The following ACTR3C variants were observed in gnomAD, a reference collection of about 807,000 sequenced individuals.
ACTR3C encodes the protein actin-related protein 3C.
Under a neutral mutation model 26.3 loss-of-function variants are expected in ACTR3C, and 18 were observed. The ratio of observed to expected loss-of-function variants is 0.68; its 90% confidence interval spans 0.47 to 1.01. The LOEUF is 1.01. ACTR3C is among the 50% of genes least tolerant of loss of function. The pLI is 0.00. For synonymous variants in ACTR3C, 55 were observed against 94.5 expected (o/e 0.58, Z 2.42); for missense variants, 184 against 250.7 (o/e 0.73, Z 1.80).
At chr7:149,884,917 G>C in the ACTR3C span, among the ~76,000 whole-genome samples, 1 of 152,190 alleles carries the variant, frequency 6.6e-6, no homozygotes, top group Non-Finnish European at 1.5e-5. Flanking sequence ...TTTTAAACCA[G>C]CTCCCAAGGG....
At chr7:150,069,116 T>C in the ACTR3C span, among the ~76,000 whole-genome samples, 4 of 152,190 alleles carry the variant, frequency 2.6e-5, no homozygotes, top group East Asian at 1.9e-4. Context: ...TGACAGTATG[T>C]TGTATTTCAA....
chr7:150,234,733 G>C, the ACTR3C span, among the ~76,000 whole-genome samples: 2 of 152,132 alleles, frequency 1.3e-5, no homozygotes, highest in African/African-American at 4.8e-5. Context: ...TTCTCATTTG[G>C]ATACACGAAT....
the ACTR3C span, among the ~76,000 whole-genome samples, chr7:150,155,194 C>G: frequency 2.0e-5 from 3 of 152,078 alleles, no homozygotes; most frequent in African/African-American, 7.2e-5. Context: ...AAATGGGGAA[C>G]AGAGATGAAG....
At chr7:150,029,418 C>CAAA in the ACTR3C span, among the ~76,000 whole-genome samples, 195 of 17,384 alleles carry the variant, frequency 0.011, no homozygotes, top group African/African-American at 0.038. Flanking sequence ...AAAAAAAAAA[C>CAAA]AAACAAAAAA....
intron 1 of ACTR3C, among the ~76,000 whole-genome samples, chr7:150,321,246 G>C (rs991788240): frequency 6.6e-6 from 1 of 152,170 alleles, no homozygotes; most frequent in Non-Finnish European, 1.5e-5. Flanking sequence ...TGTTAAGCCT[G>C]ATTTTTTTGC....
the ACTR3C span, among the ~76,000 whole-genome samples, chr7:149,946,046 G>A: frequency 6.6e-6 from 1 of 152,184 alleles, no homozygotes; most frequent in Non-Finnish European, 1.5e-5. Flanking sequence ...TCATGGGGGG[G>A]AAAGCACTTT....
intron 6 of ACTR3C, among the ~76,000 whole-genome samples, chr7:150,250,052 G>C (rs1236406620): frequency 1.3e-5 from 2 of 152,126 alleles, no homozygotes; most frequent in African/African-American, 4.8e-5. Context: ...CCCTGGAGCG[G>C]ATGAGGGGTG....
chr7:150,019,768 G>C, the ACTR3C span, among the ~76,000 whole-genome samples: 2 of 151,870 alleles, frequency 1.3e-5, no homozygotes, highest in Admixed American at 6.6e-5. Context: ...CAGGGGGCTG[G>C]ACACCCTGCA....
chr7:150,059,175 G>A, the ACTR3C span, among the ~76,000 whole-genome samples: 1 of 152,170 alleles, frequency 6.6e-6, no homozygotes, highest in Non-Finnish European at 1.5e-5. Context: ...AGCATCAGAC[G>A]CTCATCTATG....
the ACTR3C span, among the ~76,000 whole-genome samples, chr7:149,983,443 G>GTATATATATATATA: frequency 1.1e-3 from 3 of 2,806 alleles, no homozygotes; most frequent in Non-Finnish European, 0.01. Flanking sequence ...GTGTATGTGT[G>GTATATATATATATA]TGTGTGTATA....
At chr7:150,256,862 G>C (rs975560235) in intron 6 of ACTR3C, among the ~76,000 whole-genome samples, 38 of 151,998 alleles carry the variant, frequency 2.5e-4, no homozygotes, top group African/African-American at 8.2e-4. Context: ...CCCCAAAACA[G>C]CAAAATACAC....
the ACTR3C span, among the ~76,000 whole-genome samples, chr7:149,917,635 C>CTTTTTTTTTTTTTTTTTTTTTTTTTT: frequency 1.1e-5 from 1 of 93,644 alleles, no homozygotes; most frequent in Non-Finnish European, 1.9e-5. Context: ...TGTTTTACAT[C>CTTTTTTTTTTTTTTTTTTTTTTTTTT]TTTTTTTTTT....
At chr7:150,146,329 A>T in the ACTR3C span, among the ~76,000 whole-genome samples, 1 of 152,198 alleles carries the variant, frequency 6.6e-6, no homozygotes, top group Non-Finnish European at 1.5e-5. Flanking sequence ...AGGAACACAG[A>T]TCCACTTCCT....
At chr7:149,947,887 C>T in the ACTR3C span, among the ~76,000 whole-genome samples, 4 of 150,480 alleles carry the variant, frequency 2.7e-5, no homozygotes, top group South Asian at 4.1e-4. Context: ...CGTGCTCTGC[C>T]TCCTGCTTTC....
chr7:150,204,790 G>T, the ACTR3C span, among the ~76,000 whole-genome samples: 12,823 of 150,186 alleles, frequency 0.085, 748 homozygotes, highest in East Asian at 0.24. Flanking sequence ...GCGAGGAACA[G>T]GCCAGGGAGG....
rs577038344 is a variant in ACTR3C, at chr7:150,274,731, C to T, written c.564+10022G>A. ...GGAGACCCACGCAGCTTGGCCCTGACGCCTATACTCTTAACCACGACAAAC... is the reference window on the plus strand; with the variant it reads ...GGAGACCCACGCAGCTTGGCCCTGATGCCTATACTCTTAACCACGACAAAC... On this transcript the variant is annotated intron_variant, in intron 6 of 7. Transcript: ENST00000683684. This position sits in a 1 kb window ranked among gnomAD's most constrained non-coding sequence, Gnocchi z 4.1. Among the ~76,000 whole-genome samples the T allele has an allele frequency of 4.6e-5, 7 of 152,210 alleles. No homozygotes were observed. Among genetic ancestry groups the T allele is most frequent in the East Asian group, 1.9e-4 (1 of 5,202 alleles).
chr7:150,152,930 G>A, the ACTR3C span, among the ~76,000 whole-genome samples: 1 of 152,166 alleles, frequency 6.6e-6, no homozygotes, highest in Non-Finnish European at 1.5e-5. Flanking sequence ...TTGCGTAGAG[G>A]TGTTTGTAGT....
intron 6 of ACTR3C, among the ~76,000 whole-genome samples, chr7:150,281,190 C>T (rs1391222954): frequency 6.6e-6 from 1 of 152,030 alleles, no homozygotes; most frequent in Non-Finnish European, 1.5e-5. Flanking sequence ...CATAGTGAAC[C>T]AAGAGGAAAG....
At chr7:150,032,531 G>A in the ACTR3C span, among the ~76,000 whole-genome samples, 1 of 151,940 alleles carries the variant, frequency 6.6e-6, no homozygotes, top group African/African-American at 2.4e-5. Context: ...CCCTGGGAGA[G>A]AGCATGCCTC....
Sources: allele counts gnomAD v4.1 joint callset (sites outside exome capture counted in the v4.1 genomes callset), GRCh38; gene constraint gnomAD v4.1.1; non-coding constraint Gnocchi (gnomAD v3.1); transcripts MANE v1.5; gene names NCBI Gene and HGNC (gene_info 2026-07-23, HGNC 2026-07-21).